The following PRKG1 variants were observed in gnomAD, a reference collection of about 807,000 sequenced individuals.
PRKG1 encodes protein kinase cGMP-dependent 1, also known as cGMP-dependent protein kinase 1.
Under a neutral mutation model 88.1 loss-of-function variants are expected in PRKG1, and 35 were observed. The observed-to-expected ratio is 0.40, with a 90% confidence interval of 0.30 to 0.53. The LOEUF (loss-of-function observed/expected upper bound fraction) is 0.53, where lower values mean the gene tolerates loss of function less well. Among genes scored for constraint, PRKG1 ranks in the 20% least tolerant of loss-of-function variants. The pLI is 0.59. For missense variants in PRKG1, 540 were observed against 839.8 expected, an observed-to-expected ratio of 0.64 and a Z score of 4.41; for synonymous variants, 303 against 292.5, an observed-to-expected ratio of 1.04 and a Z score of -0.37.
chr10:51,152,717 A>T (rs1193072228), intron 1 of PRKG1, among the ~76,000 whole-genome samples: 1 of 152,072 alleles, frequency 6.6e-6, no homozygotes, highest in African/African-American at 2.4e-5. Context: ...ATAATTGTGT[A>T]TAGTACAATA....
At chr10:51,349,070 T>C (rs1291475409) in intron 2 of PRKG1, among the ~76,000 whole-genome samples, 1 of 152,208 alleles carries the variant, frequency 6.6e-6, no homozygotes, top group Non-Finnish European at 1.5e-5. Context: ...TGTCGTCATC[T>C]TCCATCAAAG....
chr10:51,100,787 G>A (rs1019339708), intron 1 of PRKG1, among the ~76,000 whole-genome samples: 1 of 152,134 alleles, frequency 6.6e-6, no homozygotes, highest in African/African-American at 2.4e-5. Context: ...AAGGAAGATG[G>A]AGAAAATAAC....
intron 7 of PRKG1, among the ~76,000 whole-genome samples, chr10:52,068,891 T>C (rs1234191106): frequency 1.3e-5 from 2 of 152,130 alleles, no homozygotes; most frequent in Non-Finnish European, 1.5e-5. Context: ...TCTCTGAGAG[T>C]TGGCCCTTTT....
chr10:51,464,877 C>T (rs1839851568), intron 2 of PRKG1, among the ~76,000 whole-genome samples: 1 of 116,620 alleles, frequency 8.6e-6, no homozygotes, highest in Non-Finnish European at 1.7e-5. Context: ...GGCGACAGAG[C>T]GAGACTCCGT....
intron 5 of PRKG1, among the ~76,000 whole-genome samples, chr10:51,953,194 A>C (rs1167749222): frequency 6.6e-6 from 1 of 152,182 alleles, no homozygotes; most frequent in Non-Finnish European, 1.5e-5. Context: ...GGAAGATTAT[A>C]ATTTGTGTGC....
At chr10:51,404,925 T>A (rs1268781901) in intron 2 of PRKG1, among the ~76,000 whole-genome samples, 3 of 152,194 alleles carry the variant, frequency 2.0e-5, no homozygotes, top group African/African-American at 7.2e-5. Flanking sequence ...AACACAGGAC[T>A]TTCTTACTCT....
At chr10:52,092,479 GAAGCT>G (rs950137757) in intron 7 of PRKG1, among the ~76,000 whole-genome samples, 11 of 151,998 alleles carry the variant, frequency 7.2e-5, no homozygotes, top group African/African-American at 2.7e-4. Flanking sequence ...TTGTGATGTG[GAAGCT>G]GCTGATATTC....
rs1205844290 is a variant in PRKG1 at position 52,178,003 on chromosome 10, CTCTGATATT to C, written c.1076+16042_1076+16050del. Among the ~76,000 whole-genome samples, 3 of 149,152 alleles carry C rather than the reference CTCTGATATT, an allele frequency of 2.0e-5. No homozygotes were observed. The East Asian group carries it at 5.9e-4, about 29-fold the overall frequency. The stretch of plus-strand genomic sequence containing the variant: ...TTGGTCTCAATGTTATGTATTACTA[CTCTGATATT>C]TACTATTTCTTCCCTTCTACTAATT... On this transcript the variant is annotated intron_variant, in intron 9 of 17. Transcript: ENST00000373980.
intron 1 of PRKG1, among the ~76,000 whole-genome samples, chr10:51,099,246 G>T (rs1564599557): frequency 6.6e-6 from 1 of 152,238 alleles, no homozygotes; most frequent in East Asian, 1.9e-4. Context: ...ACACCCTGGA[G>T]TGAGGGGCAG....
At chr10:52,162,399 G>C (rs1838299896) in intron 9 of PRKG1, among the ~76,000 whole-genome samples, 1 of 152,008 alleles carries the variant, frequency 6.6e-6, no homozygotes, top group South Asian at 2.1e-4. Context: ...AATGATATGA[G>C]ATGGTAAATA....
intron 2 of PRKG1, among the ~76,000 whole-genome samples, chr10:51,165,372 C>T (rs1483299603): frequency 6.6e-6 from 1 of 151,924 alleles, no homozygotes; most frequent in Non-Finnish European, 1.5e-5. Context: ...ACCACCAGGC[C>T]TGCCCTAAAA....
chr10:51,829,019 T>C (rs868195267), intron 4 of PRKG1, among the ~76,000 whole-genome samples: 3 of 152,236 alleles, frequency 2.0e-5, no homozygotes, highest in Non-Finnish European at 4.4e-5. Flanking sequence ...TGACTAAAGG[T>C]CTCTCATGAA....
chr10:51,830,727 A>G (rs1839986010), intron 4 of PRKG1, among the ~76,000 whole-genome samples: 1 of 151,568 alleles, frequency 6.6e-6, no homozygotes, highest in Non-Finnish European at 1.5e-5. Context: ...ACACCAGGCT[A>G]ATTTTTGTAT....
intron 5 of PRKG1, among the ~76,000 whole-genome samples, chr10:51,950,839 A>G (rs1843165623): frequency 6.6e-6 from 1 of 152,224 alleles, no homozygotes; most frequent in East Asian, 1.9e-4. Flanking sequence ...CCAGCATCCA[A>G]GAAGAATGAG....
chr10:51,170,330 G>A (rs985062219), intron 2 of PRKG1, among the ~76,000 whole-genome samples: 3 of 151,814 alleles, frequency 2.0e-5, no homozygotes, highest in African/African-American at 7.3e-5. Flanking sequence ...ATGATTTATG[G>A]CTTTCAGGCT....
At chr10:51,370,297 C>G (rs1334525390) in intron 2 of PRKG1, among the ~76,000 whole-genome samples, 1 of 151,962 alleles carries the variant, frequency 6.6e-6, no homozygotes, top group Non-Finnish European at 1.5e-5. Flanking sequence ...GTAAACGCTC[C>G]CTGGGTGCTA....
intron 5 of PRKG1, among the ~76,000 whole-genome samples, chr10:51,931,202 G>C (rs968152024): frequency 2.0e-5 from 3 of 152,180 alleles, no homozygotes; most frequent in African/African-American, 4.8e-5. Context: ...AATTGTCCTG[G>C]ATTGAACCTA....
chr10:51,581,687 C>A (rs1278533080), intron 3 of PRKG1, among the ~76,000 whole-genome samples: 1 of 151,930 alleles, frequency 6.6e-6, no homozygotes, highest in East Asian at 1.9e-4. Context: ...CACAATCTTG[C>A]ATGCAATTTT....
intron 2 of PRKG1, among the ~76,000 whole-genome samples, chr10:51,234,822 C>A (rs1056476951): frequency 6.6e-6 from 1 of 151,756 alleles, no homozygotes; most frequent in African/African-American, 2.4e-5. Flanking sequence ...AATATTTCAC[C>A]GAAAACAAAC....
Sources: gnomAD v4.1 joint callset for allele counts (sites outside exome capture counted in the v4.1 genomes callset) on GRCh38, gnomAD v4.1.1 for gene constraint, MANE v1.5 for transcripts, NCBI Gene and HGNC (gene_info 2026-07-23, HGNC 2026-07-21) for gene names.